TMEM178A: variants seen among roughly 807,000 people sequenced by gnomAD.
The protein encoded by TMEM178A is transmembrane protein 178.
In TMEM178A, 12 loss-of-function variants were observed where a neutral mutation model predicts 29.1. The ratio of observed to expected loss-of-function variants is 0.41; its 90% CI spans 0.26 to 0.67. The LOEUF (loss-of-function observed/expected upper bound fraction) is 0.67, where lower values mean the gene tolerates loss of function less well. Among genes scored for constraint, TMEM178A ranks in the 30% least tolerant of loss-of-function variants. TMEM178A has a pLI of 0.29. For synonymous variants in TMEM178A, 210 were observed against 187.2 expected (o/e 1.12, Z -0.99); for missense variants, 366 against 419.1 (o/e 0.87, Z 1.11).
At chr2:39,665,671 G>T, upstream of TMEM178A, 1 of 302,294 alleles carries the variant, frequency 3.3e-6, no homozygotes, top group Admixed American at 5.3e-5. Context: ...AGTGCGCGGG[G>T]TGGGGGGCGC....
At chr2:39,675,826 C>T (rs1670600156) in intron 1 of TMEM178A, among the ~76,000 whole-genome samples, 2 of 152,230 alleles carry the variant, frequency 1.3e-5, no homozygotes, top group East Asian at 1.9e-4. Context: ...GTTGTCCAGA[C>T]TGGAGTGCAG....
chr2:39,672,472 A>T (rs1670445142), intron 1 of TMEM178A, among the ~76,000 whole-genome samples: 1 of 152,194 alleles, frequency 6.6e-6, no homozygotes, highest in African/African-American at 2.4e-5. Flanking sequence ...TAGCAAAAAG[A>T]GCCCTCGAAC....
intron 1 of TMEM178A, among the ~76,000 whole-genome samples, chr2:39,678,330 A>G (rs1670716832): frequency 6.6e-6 from 1 of 152,250 alleles, no homozygotes; most frequent in South Asian, 2.1e-4. Context: ...GAAACAATCC[A>G]AATGTCCATC....
downstream of TMEM178A, among the ~76,000 whole-genome samples, chr2:39,719,523 C>T (rs908574084): frequency 6.6e-5 from 10 of 152,344 alleles, no homozygotes; most frequent in Admixed American, 3.9e-4. Context: ...GCCAAGGTTC[C>T]TCGCTTTCTA....
Position 39,704,316 on chromosome 2 carries a change from A to G in TMEM178A, c.514+122A>G, listed in dbSNP as rs114905094. On this transcript the variant is annotated intron_variant, in intron 2 of 3. Transcript: ENST00000281961. ...TATCCTCTGTGAGCCTCTGGGCCCA[A>G]TCAGATGTGGTCAGAGACTCAGAGG... is the stretch of plus-strand genomic sequence containing the variant. The G allele has an allele frequency of 5.8e-3, 4,446 of 766,310 alleles. 150 individuals carry two copies. The African/African-American group carries it at 0.069, about 12-fold the overall frequency. 47.5% of individuals were successfully genotyped at this position (766,310 alleles called of 1,614,324 possible).
chr2:39,710,001 G>C (rs1275555180), intron 3 of TMEM178A, among the ~76,000 whole-genome samples: 1 of 152,192 alleles, frequency 6.6e-6, no homozygotes, highest in Admixed American at 6.5e-5. Flanking sequence ...AAGGTTCAAT[G>C]GCAGGTGGGC....
intron 1 of TMEM178A, among the ~76,000 whole-genome samples, chr2:39,691,145 G>A (rs956388035): frequency 6.6e-6 from 1 of 152,140 alleles, no homozygotes; most frequent in Non-Finnish European, 1.5e-5. Context: ...GGGACAGAAA[G>A]CATATTTAAA....
chr2:39,713,934 C>T (rs1672424788), intron 3 of TMEM178A, among the ~76,000 whole-genome samples: 1 of 152,172 alleles, frequency 6.6e-6, no homozygotes, highest in African/African-American at 2.4e-5. Flanking sequence ...ATGGGTTAGG[C>T]TTCTTTTACA....
chr2:39,724,072 C>T, the TMEM178A span, among the ~76,000 whole-genome samples: 1 of 152,170 alleles, frequency 6.6e-6, no homozygotes, highest in African/African-American at 2.4e-5. Context: ...GACTGACCTT[C>T]AAGAGACCCT....
intron 2 of TMEM178A, among the ~76,000 whole-genome samples, chr2:39,705,462 C>T (rs1671983367): frequency 6.6e-6 from 1 of 152,224 alleles, no homozygotes; most frequent in Admixed American, 6.5e-5. Context: ...AACCATACTA[C>T]ATTTCCCCTG....
chr2:39,728,061 C>T, the TMEM178A span, among the ~76,000 whole-genome samples: 1 of 152,128 alleles, frequency 6.6e-6, no homozygotes, highest in African/African-American at 2.4e-5. Context: ...GATTTATAAT[C>T]CTTTGGGTAT....
intron 1 of TMEM178A, among the ~76,000 whole-genome samples, chr2:39,694,967 GT>G (rs1312684829): frequency 1.3e-5 from 2 of 152,176 alleles, no homozygotes; most frequent in African/African-American, 4.8e-5. Context: ...CTAAAAGTCA[GT>G]GTTAAGCCCC....
intron 1 of TMEM178A, among the ~76,000 whole-genome samples, chr2:39,679,238 A>G (rs1415710679): frequency 6.6e-6 from 1 of 152,184 alleles, no homozygotes; most frequent in Admixed American, 6.5e-5. Flanking sequence ...CCTTAGATTG[A>G]TTCAAATCAC....
At chr2:39,732,284 C>T in the TMEM178A span, among the ~76,000 whole-genome samples, 1 of 152,174 alleles carries the variant, frequency 6.6e-6, no homozygotes, top group Non-Finnish European at 1.5e-5. Flanking sequence ...GACTTCTTTT[C>T]TCCTTGGTGA....
the TMEM178A span, among the ~76,000 whole-genome samples, chr2:39,728,156 T>A: frequency 2.6e-5 from 4 of 152,224 alleles, no homozygotes; most frequent in African/African-American, 4.8e-5. Flanking sequence ...CCACAGTGGA[T>A]GAACCAATTT....
chr2:39,714,742 T>C (rs1672461853), intron 3 of TMEM178A, among the ~76,000 whole-genome samples: 1 of 152,140 alleles, frequency 6.6e-6, no homozygotes, highest in African/African-American at 2.4e-5. Flanking sequence ...GGTTTAATGA[T>C]AGAATTCATG....
the TMEM178A span, among the ~76,000 whole-genome samples, chr2:39,732,175 C>G: frequency 6.6e-6 from 1 of 152,178 alleles, no homozygotes; most frequent in African/African-American, 2.4e-5. Context: ...GGGAGGAGAA[C>G]TTCCCCACTT....
At chr2:39,726,162 G>C in the TMEM178A span, among the ~76,000 whole-genome samples, 1 of 152,162 alleles carries the variant, frequency 6.6e-6, no homozygotes, top group Non-Finnish European at 1.5e-5. Context: ...TAATAAAACA[G>C]GGCTTGTGCA....
intron 1 of TMEM178A, among the ~76,000 whole-genome samples, chr2:39,677,095 T>C (rs1670662246): frequency 6.6e-6 from 1 of 152,180 alleles, no homozygotes; most frequent in African/African-American, 2.4e-5. Context: ...TTAATACACA[T>C]TGGATTGGAG....
Sources: allele counts gnomAD v4.1 joint callset (sites outside exome capture counted in the v4.1 genomes callset), GRCh38; gene constraint gnomAD v4.1.1; transcripts MANE v1.5; gene names NCBI Gene and HGNC (gene_info 2026-07-23, HGNC 2026-07-21).